NSMCE2: variants seen among roughly 807,000 people sequenced by gnomAD.
The protein encoded by NSMCE2 is NSE2 SUMO ligase component of SMC5/6 complex, also known as E3 SUMO-protein ligase NSE2.
Under a neutral mutation model 23.8 loss-of-function variants are expected in NSMCE2, and 24 were observed. The ratio of observed to expected loss-of-function variants is 1.01; its 90% CI spans 0.73 to 1.42. The LOEUF (loss-of-function observed/expected upper bound fraction) is 1.42, where lower values mean the gene tolerates loss of function less well. NSMCE2 is among the 40% of genes most tolerant of loss of function. The pLI, the probability that NSMCE2 is intolerant of heterozygous loss-of-function variation, is 0.00. For synonymous variants in NSMCE2, 92 were observed against 94.1 expected (o/e 0.98, Z 0.13); for missense variants, 284 against 296.5 (o/e 0.96, Z 0.31).
chr8:125,182,586 C>G (rs945504357), intron 5 of NSMCE2: 1 of 404,484 alleles, frequency 2.5e-6, no homozygotes, highest in African/African-American at 2.1e-5. Flanking sequence ...TGGTATCGTT[C>G]AAGTTTTAAA....
chr8:125,295,255 G>C (rs1828276677), intron 5 of NSMCE2, among the ~76,000 whole-genome samples: 1 of 151,992 alleles, frequency 6.6e-6, no homozygotes, highest in Non-Finnish European at 1.5e-5. Context: ...CCCTAATCTG[G>C]TGACCTTTGT....
intron 5 of NSMCE2, among the ~76,000 whole-genome samples, chr8:125,204,882 T>C (rs1824050254): frequency 1.3e-5 from 2 of 152,194 alleles, no homozygotes; most frequent in Admixed American, 1.3e-4. Flanking sequence ...ATCCGGCCAG[T>C]TTCTACCAGA....
At chr8:125,204,661 C>A (rs376045445) in intron 5 of NSMCE2, among the ~76,000 whole-genome samples, 2 of 152,154 alleles carry the variant, frequency 1.3e-5, no homozygotes, top group Non-Finnish European at 2.9e-5. Context: ...TTTTACTTTA[C>A]ATTTACCAAA....
At chr8:125,351,456 A>C (rs951854529) in intron 5 of NSMCE2, 34 of 152,016 alleles carry the variant, frequency 2.2e-4, no homozygotes, top group African/African-American at 7.7e-4. Context: ...GCTTCAGCAC[A>C]GTTCTGGGGC....
At chr8:125,315,213 G>T (rs78663786) in intron 5 of NSMCE2, among the ~76,000 whole-genome samples, 15,476 of 152,084 alleles carry the variant, frequency 0.1, 870 homozygotes, top group Non-Finnish European at 0.13. Context: ...GATAGGTAAG[G>T]AATGTCAGGC....
chr8:125,197,756 C>T (rs1823686972), intron 5 of NSMCE2, among the ~76,000 whole-genome samples: 1 of 152,180 alleles, frequency 6.6e-6, no homozygotes, highest in South Asian at 2.1e-4. Flanking sequence ...ATGGGGATGG[C>T]ATTGAATCTA....
rs1813344281 is a variant in NSMCE2 at position 125,357,701 on chromosome 8, C to T, written c.520-11C>T. On this transcript the variant is annotated splice_polypyrimidine_tract_variant and intron_variant, in intron 6 of 7. Coordinates refer to ENST00000287437, the MANE Select transcript of NSMCE2 (RefSeq NM_173685.4). ...ATCATTCCTGAAAGCCCAACATCTCCTTGATTACAGGAGGAAATGAAGAAG... is the reference window on the plus strand; with the variant it reads ...ATCATTCCTGAAAGCCCAACATCTCTTTGATTACAGGAGGAAATGAAGAAG... 6.3e-7 allele frequency: 1 copy of T among 1,596,536 alleles called. No individual in the cohort carries two copies. Among genetic ancestry groups the T allele is most frequent in the Non-Finnish European group, 8.6e-7 (1 of 1,164,086 alleles).
At chr8:125,237,654 A>AT (rs1252805936) in intron 5 of NSMCE2, among the ~76,000 whole-genome samples, 1 of 152,220 alleles carries the variant, frequency 6.6e-6, no homozygotes, top group Non-Finnish European at 1.5e-5. Flanking sequence ...ATAAAGTCAC[A>AT]TTCTTTTTTT....
intron 5 of NSMCE2, among the ~76,000 whole-genome samples, chr8:125,297,601 C>G (rs1158420829): frequency 6.7e-6 from 1 of 149,912 alleles, no homozygotes; most frequent in Non-Finnish European, 1.5e-5. Context: ...AAGGACCAGA[C>G]AGAAAGATCA....
intron 5 of NSMCE2, among the ~76,000 whole-genome samples, chr8:125,278,943 G>A (rs1197807737): frequency 1.3e-5 from 2 of 151,672 alleles, no homozygotes; most frequent in African/African-American, 4.8e-5. Context: ...CATTCAGCTG[G>A]AGGTTAGAGC....
chr8:125,309,485 G>A (rs1041098895), intron 5 of NSMCE2, among the ~76,000 whole-genome samples: 6 of 152,188 alleles, frequency 3.9e-5, no homozygotes, highest in Admixed American at 6.5e-5. Flanking sequence ...CACTTCGGGA[G>A]GCCAATGGGG....
chr8:125,281,167 C>T lies in NSMCE2; in HGVS notation c.419-76052C>T, dbSNP rs114450244. ...CTTAAAACACATGAGAAAGTTATAG[C>T]TAGCTCTTTTCCCAACTGTGCAGAA... On this transcript the variant is annotated intron_variant, in intron 5 of 7. Coordinates refer to ENST00000287437, the MANE Select transcript of NSMCE2 (RefSeq NM_173685.4). 4.8e-3 allele frequency among the ~76,000 whole-genome samples: 724 copies of T among 152,340 alleles called. 6 individuals carry two copies. Among genetic ancestry groups the T allele is most frequent in the African/African-American group, 0.015 (642 of 41,574 alleles).
chr8:125,129,539 T>C (rs889381357), intron 3 of NSMCE2, among the ~76,000 whole-genome samples: 1 of 139,740 alleles, frequency 7.2e-6, no homozygotes, highest in Non-Finnish European at 1.5e-5. Flanking sequence ...GGAAAAGATT[T>C]GGCTCTGTGT....
At chr8:125,191,308 A>G (rs1563708943) in intron 5 of NSMCE2, among the ~76,000 whole-genome samples, 1 of 152,210 alleles carries the variant, frequency 6.6e-6, no homozygotes, top group Non-Finnish European at 1.5e-5. Flanking sequence ...GGTTTAGGTG[A>G]TACCACAGCC....
At chr8:125,304,952 G>A (rs372312434) in intron 5 of NSMCE2, among the ~76,000 whole-genome samples, 1,162 of 27,340 alleles carry the variant, frequency 0.043, 11 homozygotes, top group African/African-American at 0.26. Context: ...AGGAAGGAAG[G>A]AAGGAAGAAA....
chr8:125,259,152 C>G (rs1051238243), intron 5 of NSMCE2, among the ~76,000 whole-genome samples: 1 of 152,108 alleles, frequency 6.6e-6, no homozygotes, highest in Non-Finnish European at 1.5e-5. Flanking sequence ...CCGCCCACTT[C>G]ATGCTGGGAT....
intron 5 of NSMCE2, among the ~76,000 whole-genome samples, chr8:125,183,097 C>T (rs1822906475): frequency 6.6e-6 from 1 of 152,126 alleles, no homozygotes; most frequent in Admixed American, 6.5e-5. Context: ...ACTTTAGTCT[C>T]CCAACACCTT....
chr8:125,178,152 T>A (rs10216523), intron 4 of NSMCE2, among the ~76,000 whole-genome samples: 24,191 of 152,126 alleles, frequency 0.16, 2,938 homozygotes, highest in African/African-American at 0.34. Flanking sequence ...TCATTTTTTT[T>A]AAACTCTCAT....
chr8:125,215,845 A>G (rs1341406531), intron 5 of NSMCE2, among the ~76,000 whole-genome samples: 2 of 152,184 alleles, frequency 1.3e-5, no homozygotes, highest in African/African-American at 4.8e-5. Context: ...GGCATTGTAC[A>G]ATATTTGTGC....
Sources: gnomAD v4.1 joint callset for allele counts (sites outside exome capture counted in the v4.1 genomes callset) on GRCh38, gnomAD v4.1.1 for gene constraint, MANE v1.5 for transcripts, NCBI Gene and HGNC (gene_info 2026-07-23, HGNC 2026-07-21) for gene names.